The following DIP2B variants were observed in gnomAD, a reference collection of about 807,000 sequenced individuals.
The protein encoded by DIP2B is DIP2 acetate--CoA ligase B (putative).
A neutral mutation model predicts 198.0 loss-of-function variants in DIP2B; 76 were observed. That is an observed-to-expected ratio of 0.38 (90% CI 0.32 to 0.46). The LOEUF (loss-of-function observed/expected upper bound fraction) is 0.46. Among genes scored for constraint, DIP2B ranks in the 20% least tolerant of loss-of-function variants. The probability of loss-of-function intolerance (pLI) is 0.99; values close to 1 mark genes in which losing one functional copy is unlikely to be tolerated. For missense variants in DIP2B, 1,559 were observed against 1,978.4 expected (o/e 0.79, Z 4.02); for synonymous variants, 701 against 739.1 (o/e 0.95, Z 0.84).
rs201069730 is a variant in DIP2B, at chr12:50,542,687, G to C, written c.100+37447G>C. ...CTGGATTTTAGTATGTCATATGTGT[G>C]TTCATCAGCAAAATTGAACAGGTGC... is the stretch of plus-strand genomic sequence containing the variant. On this transcript the variant is annotated intron_variant, in intron 1 of 37. Transcript: ENST00000301180. 8.5e-5 allele frequency among the ~76,000 whole-genome samples: 13 copies of C among 152,264 alleles called. No homozygotes were observed. In the East Asian group the frequency reaches 2.3e-3, roughly 27 times the overall value.
At chr12:50,660,721 G>A (rs959180799) in intron 4 of DIP2B, among the ~76,000 whole-genome samples, 10 of 152,072 alleles carry the variant, frequency 6.6e-5, no homozygotes, top group South Asian at 2.1e-4. Flanking sequence ...CAAATGCTTC[G>A]TCTCTGCAGC....
At chr12:50,744,522 C>G (rs1183260603) in intron 37 of DIP2B, 65 bp from the exon 38 acceptor site, 1 of 1,593,682 alleles carries the variant, frequency 6.3e-7, no homozygotes, top group Non-Finnish European at 8.6e-7. Context: ...AAGTCTGGGA[C>G]AGATGCTATA....
At chr12:50,555,756 G>A (rs1186850360) in intron 1 of DIP2B, among the ~76,000 whole-genome samples, 1 of 151,782 alleles carries the variant, frequency 6.6e-6, no homozygotes, top group African/African-American at 2.4e-5. Flanking sequence ...TGCTTGTTTG[G>A]CGCCTCATGT....
intron 1 of DIP2B, among the ~76,000 whole-genome samples, chr12:50,544,291 T>C (rs368135088): frequency 1.3e-5 from 2 of 152,032 alleles, no homozygotes; most frequent in Admixed American, 6.5e-5. Flanking sequence ...GTGTAAACAC[T>C]AATGGTATTT....
intron 4 of DIP2B, among the ~76,000 whole-genome samples, chr12:50,664,378 TA>T (rs1219531560): frequency 6.6e-6 from 1 of 152,228 alleles, no homozygotes; most frequent in East Asian, 1.9e-4. Flanking sequence ...TCTTGTGAAT[TA>T]GAAAATTTAA....
At chr12:50,640,947 CCCTATGAGGCA>C (rs758129009) in intron 3 of DIP2B, 95 bp downstream of exon 3, 2 of 1,373,048 alleles carry the variant, frequency 1.5e-6, no homozygotes, top group Non-Finnish European at 1.9e-6. Context: ...TCTTTTTTTT[CCCTATGAGGCA>C]CCAACAGTTT....
intron 1 of DIP2B, among the ~76,000 whole-genome samples, chr12:50,576,205 G>A (rs1270819092): frequency 1.3e-5 from 2 of 151,552 alleles, no homozygotes; most frequent in Non-Finnish European, 2.9e-5. Context: ...GAGTAGCTAG[G>A]ATTACAGGCA....
At chr12:50,598,123 C>T (rs1445763410) in intron 1 of DIP2B, among the ~76,000 whole-genome samples, 5 of 152,244 alleles carry the variant, frequency 3.3e-5, no homozygotes, top group African/African-American at 1.2e-4. Flanking sequence ...TTTGCACCTA[C>T]CCCACTTTTG....
chr12:50,592,086 C>G (rs1191222525), intron 1 of DIP2B, among the ~76,000 whole-genome samples: 3 of 152,018 alleles, frequency 2.0e-5, no homozygotes, highest in Non-Finnish European at 4.4e-5. Flanking sequence ...ACCGTGTTGA[C>G]CAGGCTGGTC....
In DIP2B at chr12:50,746,361, T is replaced by C. The variant is rs1940340824; in HGVS notation, c.*1522T>C. On this transcript the variant is annotated 3_prime_UTR_variant, in exon 38 of 38. Transcript: ENST00000301180. ...ATTTAGACTATTTTAATAATACATATTATTTACCCCACTGTAACATCATGT... is the reference window on the plus strand; with the variant it reads ...ATTTAGACTATTTTAATAATACATACTATTTACCCCACTGTAACATCATGT... The C allele has an allele frequency of 6.6e-6, 1 of 152,230 alleles. No homozygotes were observed. Among genetic ancestry groups the C allele is most frequent in the Non-Finnish European group, 1.5e-5 (1 of 68,038 alleles). The allele number at this position is 152,230 out of a possible 1,614,324, so 9.4% of individuals were successfully genotyped here.
chr12:50,579,340 C>G (rs924890806), intron 1 of DIP2B, among the ~76,000 whole-genome samples: 8 of 151,794 alleles, frequency 5.3e-5, no homozygotes, highest in African/African-American at 1.7e-4. Context: ...AGGTCAGGCA[C>G]AATGGCTCAC....
chr12:50,562,179 G>T (rs902325052), intron 1 of DIP2B, among the ~76,000 whole-genome samples: 1 of 152,160 alleles, frequency 6.6e-6, no homozygotes, highest in East Asian at 1.9e-4. Context: ...GAAGAAGGGC[G>T]GTAGAGAAAG....
intron 4 of DIP2B, among the ~76,000 whole-genome samples, chr12:50,661,450 T>A (rs1938645632): frequency 6.6e-6 from 1 of 152,218 alleles, no homozygotes; most frequent in Non-Finnish European, 1.5e-5. Flanking sequence ...CTCAGAGCAT[T>A]TGGGTATGCT....
intron 1 of DIP2B, among the ~76,000 whole-genome samples, chr12:50,590,386 C>G (rs768262628): frequency 6.6e-6 from 1 of 151,056 alleles, no homozygotes; most frequent in African/African-American, 2.4e-5. Context: ...TTTCTTTTTC[C>G]TGAGACGGAG....
chr12:50,658,504 T>A (rs1022293716), intron 3 of DIP2B, among the ~76,000 whole-genome samples: 2 of 152,200 alleles, frequency 1.3e-5, no homozygotes, highest in Non-Finnish European at 2.9e-5. Flanking sequence ...TTAGGAAATA[T>A]GTTTGAAACA....
At chr12:50,724,714 C>A in intron 27 of DIP2B, 61 bp from the exon 28 acceptor site, 1 of 1,466,420 alleles carries the variant, frequency 6.8e-7, no homozygotes, top group Non-Finnish European at 9.5e-7. Context: ...GCAGCCAGGG[C>A]CTGTGGTGCC....
At chr12:50,534,613 C>T (rs949361786) in intron 1 of DIP2B, among the ~76,000 whole-genome samples, 1 of 152,034 alleles carries the variant, frequency 6.6e-6, no homozygotes, top group African/African-American at 2.4e-5. Context: ...ATCCACCCAC[C>T]TCGGCCTCCC....
In DIP2B at chr12:50,714,562, G is replaced by T; in HGVS notation, c.2817G>T (p.Val939=). The change falls in exon 23 of 38, where the codon GTG becomes GTT. Residue 939 remains valine, a synonymous_variant. Coordinates refer to ENST00000301180, the MANE Select transcript of DIP2B (RefSeq NM_173602.3). ...CNILMCPHTC[V]TNLPKPRQKQ... ...TCCTCATGTGCCCCCATACATGTGT[G>T]ACAAACTTGCCAAAGCCCCGGCAAA... The T allele has an allele frequency of 6.2e-7, 1 of 1,614,092 alleles. No individual in the cohort carries two copies. Among genetic ancestry groups the T allele is most frequent in the Non-Finnish European group, 8.5e-7 (1 of 1,179,996 alleles).
intron 22 of DIP2B, among the ~76,000 whole-genome samples, chr12:50,709,112 A>G (rs954943118): frequency 6.6e-6 from 1 of 152,256 alleles, no homozygotes; most frequent in African/African-American, 2.4e-5. Flanking sequence ...TTAGAATCAT[A>G]GACTTGGAAT....
Sources: gnomAD v4.1 joint callset for allele counts (sites outside exome capture counted in the v4.1 genomes callset) on GRCh38, gnomAD v4.1.1 for gene constraint, MANE v1.5 for transcripts, NCBI Gene and HGNC (gene_info 2026-07-23, HGNC 2026-07-21) for gene names.